The following ASTN2 variants were observed in gnomAD, a reference collection of about 807,000 sequenced individuals.
The protein encoded by ASTN2 is astrotactin-2.
Under a neutral mutation model 139.8 loss-of-function variants are expected in ASTN2, and 54 were observed. The ratio of observed to expected loss-of-function variants is 0.39; its 90% CI spans 0.31 to 0.48. The LOEUF (loss-of-function observed/expected upper bound fraction) is 0.48. Among genes scored for constraint, ASTN2 ranks in the 20% least tolerant of loss-of-function variants. The probability of loss-of-function intolerance (pLI) is 0.95; values close to 1 mark genes in which losing one functional copy is unlikely to be tolerated. For synonymous variants in ASTN2, 756 were observed against 719.5 expected (o/e 1.05, Z -0.81); for missense variants, 1,565 against 1,725.1 (o/e 0.91, Z 1.64).
chr9:116,824,233 A>G (rs1195755756), intron 11 of ASTN2, among the ~76,000 whole-genome samples: 6 of 152,252 alleles, frequency 3.9e-5, no homozygotes, highest in African/African-American at 1.4e-4. Flanking sequence ...GATGGTCCCC[A>G]GTGATTCCTG....
At chr9:116,867,710 T>C (rs937280611) in intron 10 of ASTN2, among the ~76,000 whole-genome samples, 3 of 152,136 alleles carry the variant, frequency 2.0e-5, no homozygotes. Context: ...ATACAAAAGC[T>C]GTCCACTTTT....
intron 10 of ASTN2, among the ~76,000 whole-genome samples, chr9:116,924,196 G>A (rs1006457772): frequency 2.0e-5 from 3 of 151,848 alleles, no homozygotes; most frequent in Non-Finnish European, 2.9e-5. Context: ...ATCACCTGGG[G>A]TCAGGAGTTC....
intron 10 of ASTN2, among the ~76,000 whole-genome samples, chr9:116,939,385 G>A (rs1282139889): frequency 6.6e-6 from 1 of 151,556 alleles, no homozygotes; most frequent in African/African-American, 2.4e-5. Flanking sequence ...TAAAATATTT[G>A]CTTTTGTTAT....
At chr9:116,816,942 C>A (rs1210294180) in intron 12 of ASTN2, among the ~76,000 whole-genome samples, 1 of 86,838 alleles carries the variant, frequency 1.2e-5, no homozygotes, top group African/African-American at 3.8e-5. Flanking sequence ...AATGTCATTT[C>A]TATATAGGCC....
chr9:116,467,763 A>G (rs895024715), intron 20 of ASTN2, among the ~76,000 whole-genome samples: 1 of 152,264 alleles, frequency 6.6e-6, no homozygotes, highest in Non-Finnish European at 1.5e-5. Flanking sequence ...ATTAAACAAG[A>G]TAATGTTTTT....
In ASTN2 at chr9:117,143,637, G is replaced by A. The variant is rs773777230; in HGVS notation, c.1016-2159C>T. Among the ~76,000 whole-genome samples, 4 of 152,116 alleles carry A rather than the reference G, an allele frequency of 2.6e-5. No homozygotes were observed. In the East Asian group the frequency reaches 7.7e-4, roughly 29 times the overall value. The stretch of plus-strand genomic sequence containing the variant: ...TGGGCTACCATAACAAAATATCATA[G>A]TCTGGTTGTCTTAAACAACAGACAT... On this transcript the variant is annotated intron_variant, in intron 3 of 22. Coordinates refer to ENST00000313400, the MANE Select transcript of ASTN2 (RefSeq NM_001365068.1).
At chr9:116,928,680 A>T (rs1287515855) in intron 10 of ASTN2, among the ~76,000 whole-genome samples, 1 of 152,200 alleles carries the variant, frequency 6.6e-6, no homozygotes, top group African/African-American at 2.4e-5. Context: ...GATTATTAGA[A>T]AATGCTTAGA....
In ASTN2 at chr9:116,425,726, G is replaced by T; in HGVS notation, c.*125C>A. The T allele has an allele frequency of 3.1e-6, 5 of 1,606,034 alleles. No homozygotes were observed. The highest frequency in any genetic ancestry group is 1.1e-5 in the South Asian group (1 of 89,716). ...AGAAACCGTTTGCTTTGGCCTTGCT[G>T]GCAAGCTTCATCTGCTAGGCCCATC... On this transcript the variant is annotated 3_prime_UTR_variant, in exon 23 of 23. Transcript: ENST00000313400.
chr9:116,570,296 T>C (rs1339693093), intron 19 of ASTN2, among the ~76,000 whole-genome samples: 2 of 152,212 alleles, frequency 1.3e-5, no homozygotes, highest in Non-Finnish European at 2.9e-5. Flanking sequence ...CCAAATCCTA[T>C]ATATTTACTT....
At chr9:116,662,571 C>G (rs1362417989) in intron 16 of ASTN2, among the ~76,000 whole-genome samples, 1 of 151,934 alleles carries the variant, frequency 6.6e-6, no homozygotes, top group Non-Finnish European at 1.5e-5. Context: ...GAGACTCCAT[C>G]TCAAAAAAAT....
At chr9:116,482,459 A>G (rs1588101187) in intron 20 of ASTN2, among the ~76,000 whole-genome samples, 1 of 152,176 alleles carries the variant, frequency 6.6e-6, no homozygotes, top group Non-Finnish European at 1.5e-5. Flanking sequence ...TATTACTAGC[A>G]GTATTATCCA....
At chr9:116,467,876 C>T (rs887637573) in intron 20 of ASTN2, among the ~76,000 whole-genome samples, 4 of 152,146 alleles carry the variant, frequency 2.6e-5, no homozygotes, top group African/African-American at 9.7e-5. Context: ...ACTCTTTTCC[C>T]AGAATGAAGT....
chr9:116,793,014 G>A (rs760858333), intron 13 of ASTN2, among the ~76,000 whole-genome samples: 2 of 151,884 alleles, frequency 1.3e-5, no homozygotes, highest in African/African-American at 4.8e-5. Flanking sequence ...CAGCACATGA[G>A]TAAAGGGATC....
At chr9:116,637,638 T>C (rs1016061202) in intron 17 of ASTN2, among the ~76,000 whole-genome samples, 13 of 152,120 alleles carry the variant, frequency 8.5e-5, no homozygotes, top group Admixed American at 3.3e-4. Context: ...AAAAATACTT[T>C]GATTCAATAT....
chr9:116,929,926 G>C (rs545818612), intron 10 of ASTN2, among the ~76,000 whole-genome samples: 1 of 152,324 alleles, frequency 6.6e-6, no homozygotes, highest in Admixed American at 6.5e-5. Flanking sequence ...TATTGTCAGA[G>C]TTCCACACGA....
chr9:117,088,203 G>A (rs1350642243), intron 5 of ASTN2, among the ~76,000 whole-genome samples: 1 of 152,150 alleles, frequency 6.6e-6, no homozygotes, highest in Non-Finnish European at 1.5e-5. Flanking sequence ...CACAGTTGCT[G>A]CCTCTTTCTC....
chr9:117,008,177 C>T lies in ASTN2; in HGVS notation c.1506G>A (p.Gln502=). 1 of 1,611,560 alleles carries T rather than the reference C, an allele frequency of 6.2e-7. No homozygotes were observed. Among genetic ancestry groups the T allele is most frequent in the Non-Finnish European group, 8.5e-7 (1 of 1,178,886 alleles). ...LNPAKLSLYY[Q]INATSPWVRD... is the part of the protein sequence containing the mutation. ...TCACCCATGGGGAGGTGGCATTGAT[C>T]TGGTAATACAGGGAAAGCTTGGCCG... Residue 502 remains glutamine, a synonymous_variant, in exon 7 of 23, where the codon CAG becomes CAA. Coordinates refer to ENST00000313400, the MANE Select transcript of ASTN2 (RefSeq NM_001365068.1).
chr9:117,153,506 C>A (rs1002870214), intron 3 of ASTN2, among the ~76,000 whole-genome samples: 10 of 152,114 alleles, frequency 6.6e-5, no homozygotes, highest in African/African-American at 2.4e-4. Context: ...AGATACATAT[C>A]ATTATCTCTA....
At chr9:116,773,664 T>C (rs1233465823) in intron 13 of ASTN2, among the ~76,000 whole-genome samples, 2 of 151,204 alleles carry the variant, frequency 1.3e-5, no homozygotes, top group Non-Finnish European at 2.9e-5. Context: ...TTATCTCATT[T>C]CATGTTCCCA....
Sources: gnomAD v4.1 joint callset for allele counts (sites outside exome capture counted in the v4.1 genomes callset) on GRCh38, gnomAD v4.1.1 for gene constraint, MANE v1.5 for transcripts, NCBI Gene and HGNC (gene_info 2026-07-23, HGNC 2026-07-21) for gene names.